NPAS3: variants seen among roughly 807,000 people sequenced by gnomAD.
NPAS3 encodes the protein neuronal PAS domain-containing protein 3.
In NPAS3, 14 loss-of-function variants were observed where a neutral mutation model predicts 73.1. That is an observed-to-expected ratio of 0.19 (90% CI 0.13 to 0.30). NPAS3 has a LOEUF of 0.30. Among genes scored for constraint, NPAS3 ranks in the 10% least tolerant of loss-of-function variants. The pLI, the probability that NPAS3 is intolerant of heterozygous loss-of-function variation, is 1.00. For missense variants in NPAS3, 1,096 were observed against 1,250.0 expected (o/e 0.88, Z 1.86); for synonymous variants, 620 against 541.5 (o/e 1.14, Z -2.01).
chr14:33,397,390 C>T (rs750641139), intron 4 of NPAS3, among the ~76,000 whole-genome samples: 1 of 152,060 alleles, frequency 6.6e-6, no homozygotes, highest in Non-Finnish European at 1.5e-5. Flanking sequence ...AACTGAAGTT[C>T]AGAGAATTTA....
chr14:33,220,325 G>A (rs1432806789), intron 3 of NPAS3, among the ~76,000 whole-genome samples: 1 of 152,154 alleles, frequency 6.6e-6, no homozygotes, highest in African/African-American at 2.4e-5. Flanking sequence ...CAATTCAGAG[G>A]CTGAGCTGCC....
intron 6 of NPAS3, among the ~76,000 whole-genome samples, chr14:33,695,785 T>C (rs1307805051): frequency 2.0e-5 from 3 of 152,196 alleles, no homozygotes; most frequent in South Asian, 2.1e-4. Flanking sequence ...ATAAAAGGAA[T>C]TGATTGCCAC....
intron 7 of NPAS3, among the ~76,000 whole-genome samples, chr14:33,745,199 T>G (rs1488578788): frequency 6.6e-6 from 1 of 151,616 alleles, no homozygotes; most frequent in African/African-American, 2.4e-5. Flanking sequence ...CAGTGAGCCA[T>G]GACCGTGCCA....
chr14:33,478,425 C>T (rs2051149661), intron 4 of NPAS3, among the ~76,000 whole-genome samples: 1 of 152,100 alleles, frequency 6.6e-6, no homozygotes. Context: ...TACAACCAAC[C>T]ATTCTTAGTC....
At chr14:33,300,356 G>A (rs962965345) in intron 3 of NPAS3, among the ~76,000 whole-genome samples, 6 of 152,168 alleles carry the variant, frequency 3.9e-5, no homozygotes, top group Non-Finnish European at 5.9e-5. Context: ...TTTCAACAAC[G>A]ACCAAATAAT....
intron 1 of NPAS3, among the ~76,000 whole-genome samples, chr14:32,994,565 T>C (rs1352576322): frequency 4.7e-5 from 7 of 148,290 alleles, no homozygotes; most frequent in African/African-American, 1.8e-4. Flanking sequence ...TGCTTGCTAC[T>C]GGGAACTTAA....
At chr14:33,029,718 C>T (rs966791872) in intron 1 of NPAS3, among the ~76,000 whole-genome samples, 6 of 152,134 alleles carry the variant, frequency 3.9e-5, no homozygotes, top group Non-Finnish European at 7.3e-5. Flanking sequence ...TAAGACAGCC[C>T]ATTCCAAATT....
intron 5 of NPAS3, among the ~76,000 whole-genome samples, chr14:33,591,557 G>T (rs2139945490): frequency 6.6e-6 from 1 of 152,250 alleles, no homozygotes; most frequent in South Asian, 2.1e-4. Flanking sequence ...TTCCTAAAAG[G>T]TGCCTTCAAC....
At chr14:33,377,543 AG>A in intron 4 of NPAS3, among the ~76,000 whole-genome samples, 1 of 152,258 alleles carries the variant, frequency 6.6e-6, no homozygotes, top group South Asian at 2.1e-4. Flanking sequence ...TGTCAGGGTC[AG>A]AAGGGAGAAC....
chr14:33,215,621 T>A (rs2047195623), intron 3 of NPAS3, 195 bp downstream of exon 3: 2 of 733,800 alleles, frequency 2.7e-6, no homozygotes, highest in Non-Finnish European at 2.5e-6. Flanking sequence ...TATTTTATTT[T>A]CAAAAAGTCT....
chr14:33,163,339 C>T (rs1019756383), intron 2 of NPAS3, among the ~76,000 whole-genome samples: 4 of 152,188 alleles, frequency 2.6e-5, no homozygotes, highest in East Asian at 1.9e-4. Flanking sequence ...GCAGGCCAGG[C>T]GAGAGCTGGA....
intron 5 of NPAS3, among the ~76,000 whole-genome samples, chr14:33,631,700 G>A (rs948248849): frequency 3.3e-5 from 5 of 152,154 alleles, no homozygotes; most frequent in African/African-American, 7.2e-5. Context: ...TCTGCAGGCA[G>A]CATTGCCTGA....
chr14:33,360,234 T>C (rs1382357227), intron 3 of NPAS3, among the ~76,000 whole-genome samples: 1 of 152,212 alleles, frequency 6.6e-6, no homozygotes, highest in Non-Finnish European at 1.5e-5. Flanking sequence ...GATCTGTTCA[T>C]GTTAGATTAA....
intron 2 of NPAS3, among the ~76,000 whole-genome samples, chr14:33,072,235 G>A (rs542203329): frequency 6.6e-5 from 10 of 152,160 alleles, no homozygotes; most frequent in African/African-American, 2.4e-4. Context: ...TTAAATAACG[G>A]TGGCAAATAG....
At chr14:33,563,535 C>CAGAGAGAGAGAGAG (rs1276549335) in intron 5 of NPAS3, among the ~76,000 whole-genome samples, 1 of 108,014 alleles carries the variant, frequency 9.3e-6, no homozygotes, top group East Asian at 2.2e-4. Flanking sequence ...CACACACACA[C>CAGAGAGAGAGAGAG]ACAGAGAGAG....
chr14:33,703,405 GA>G (rs1460480571), intron 6 of NPAS3, among the ~76,000 whole-genome samples: 3 of 152,138 alleles, frequency 2.0e-5, no homozygotes, highest in Non-Finnish European at 4.4e-5. Flanking sequence ...GAGGCAGAAG[GA>G]TTGCCTAAGC....
intron 3 of NPAS3, among the ~76,000 whole-genome samples, chr14:33,329,256 G>A (rs752972746): frequency 6.6e-6 from 1 of 152,162 alleles, no homozygotes; most frequent in Non-Finnish European, 1.5e-5. Context: ...CTGCTCCCTG[G>A]CTTTCATGTA....
intron 2 of NPAS3, among the ~76,000 whole-genome samples, chr14:33,174,585 C>T (rs572408543): frequency 1.5e-4 from 23 of 152,326 alleles, no homozygotes; most frequent in African/African-American, 5.3e-4. Context: ...CTGCTAACGT[C>T]CTGACGTTTT....
At chr14:33,077,774 G>GTTTTGTTTTTTTT (rs1555333250) in intron 2 of NPAS3, among the ~76,000 whole-genome samples, 1 of 87,470 alleles carries the variant, frequency 1.1e-5, no homozygotes, top group African/African-American at 3.9e-5. Context: ...TGCAGTAAGG[G>GTTTTGTTTTTTTT]TTTTTTTTTT....
Sources: gnomAD v4.1 joint callset for allele counts (sites outside exome capture counted in the v4.1 genomes callset) on GRCh38, gnomAD v4.1.1 for gene constraint, MANE v1.5 for transcripts, NCBI Gene and HGNC (gene_info 2026-07-23, HGNC 2026-07-21) for gene names.